The following GARNL3 variants were observed in gnomAD, a reference collection of about 807,000 sequenced individuals.
The protein encoded by GARNL3 is GTPase activating Rap/RanGAP domain like 3, also known as GTPase-activating Rap/Ran-GAP domain-like protein 3.
GARNL3 carries 63 observed loss-of-function variants against 125.0 expected under a neutral mutation model. The observed-to-expected ratio is 0.50, with a 90% CI of 0.41 to 0.62. GARNL3 has a LOEUF of 0.62. Among genes scored for constraint, GARNL3 ranks in the 20% least tolerant of loss-of-function variants. The pLI, the probability that GARNL3 is intolerant of heterozygous loss-of-function variation, is 0.00. For missense variants in GARNL3, 994 were observed against 1,244.0 expected (o/e 0.80, Z 3.02); for synonymous variants, 439 against 457.5 (o/e 0.96, Z 0.52).
In GARNL3 at chr9:127,392,186, A is replaced by G. The variant is rs370994758; in HGVS notation, c.2871-897A>G. 6.6e-6 allele frequency among the ~76,000 whole-genome samples: 1 copy of G among 152,218 alleles called. No individual in the cohort carries two copies. Reference sequence around the variant, plus strand: ...GCTGAGCCTCCTCTCAGAAGTCATAACCTGACAAGGCCCCTGCCCTCAGGG... The same window carrying G: ...GCTGAGCCTCCTCTCAGAAGTCATAGCCTGACAAGGCCCCTGCCCTCAGGG... On this transcript the variant is annotated intron_variant, in intron 27 of 27. Coordinates refer to ENST00000373387, the MANE Select transcript of GARNL3 (RefSeq NM_032293.5). This position sits in a 1 kb window ranked among gnomAD's most constrained non-coding sequence, Gnocchi z 5.2.
chr9:127,287,093 C>T (rs1192592229), intron 1 of GARNL3, among the ~76,000 whole-genome samples: 1 of 152,120 alleles, frequency 6.6e-6, no homozygotes, highest in Non-Finnish European at 1.5e-5. Context: ...CATATATGTA[C>T]CCAGGTGAGC....
intron 1 of GARNL3, among the ~76,000 whole-genome samples, chr9:127,229,332 A>T (rs1489850932): frequency 6.6e-6 from 1 of 152,084 alleles, no homozygotes; most frequent in African/African-American, 2.4e-5. Context: ...AGGCCTGTTG[A>T]TTCAGAAAGT....
Position 127,333,074 on chromosome 9 carries a change from T to C in GARNL3, c.722T>C (p.Ile241Thr), listed in dbSNP as rs1028525355. Residue 241 changes from isoleucine (I) to threonine (T), a missense_variant, in exon 9 of 28, where the codon ATC (isoleucine) becomes ACC (threonine). By Grantham distance (89) the Ile-to-Thr change is moderately conservative. Around this residue, in one of 5 missense-constraint regions of GARNL3, gnomAD observed 71 missense variants for 66.2 expected, o/e 1.07. Transcript: ENST00000373387. ...QKFLNLLGDT[I>T]TLKGWTGYRG... ...TTTTTAAATCTTCTGGGTGACACAA[T>C]CACTCTAAAGGGCTGGACGGGCTAC... The C allele has an allele frequency of 6.2e-7, 1 of 1,614,112 alleles. No individual in the cohort carries two copies. Among genetic ancestry groups the C allele is most frequent in the Non-Finnish European group, 8.5e-7 (1 of 1,179,966 alleles).
At chr9:127,312,542 T>G (rs41498351) in intron 3 of GARNL3, among the ~76,000 whole-genome samples, 21,359 of 151,596 alleles carry the variant, frequency 0.14, 1,908 homozygotes, top group East Asian at 0.21. Flanking sequence ...AAAACAGGAG[T>G]GTGGTTAATG....
intron 22 of GARNL3, among the ~76,000 whole-genome samples, chr9:127,373,867 A>G (rs1006219182): frequency 2.6e-5 from 4 of 152,160 alleles, no homozygotes; most frequent in African/African-American, 9.7e-5. Context: ...TTAGCTGGGC[A>G]TGGTAGTGCA....
intron 1 of GARNL3, among the ~76,000 whole-genome samples, chr9:127,283,119 A>G (rs2064146282): frequency 6.6e-6 from 1 of 152,194 alleles, no homozygotes; most frequent in Admixed American, 6.5e-5. Flanking sequence ...ATGTTAAATC[A>G]CATGAATTTT....
intron 23 of GARNL3, 37 bp downstream of exon 23, chr9:127,383,582 A>C: frequency 7.3e-7 from 1 of 1,374,328 alleles, no homozygotes; most frequent in Non-Finnish European, 1.0e-6. Context: ...TTTCTCCTTC[A>C]TGGATATGTC....
Position 127,392,410 on chromosome 9 carries a change from A to G in GARNL3, c.2871-673A>G, listed in dbSNP as rs764950724. The stretch of plus-strand genomic sequence containing the variant: ...TGGGCTGGGCTTGGAATAAACGGTA[A>G]GAAGCTAGGGGAACAGCCCTTCTGA... On this transcript the variant is annotated intron_variant, in intron 27 of 27. Transcript: ENST00000373387. This position sits in a 1 kb window ranked among gnomAD's most constrained non-coding sequence, Gnocchi z 5.2. 1.3e-5 allele frequency among the ~76,000 whole-genome samples: 2 copies of G among 152,238 alleles called. No homozygotes were observed. Among genetic ancestry groups the G allele is most frequent in the Non-Finnish European group, 2.9e-5 (2 of 68,044 alleles).
At chr9:127,383,015 G>A (rs541792918) in intron 22 of GARNL3, among the ~76,000 whole-genome samples, 30 of 152,294 alleles carry the variant, frequency 2.0e-4, no homozygotes, top group Middle Eastern at 3.4e-3. Context: ...TTCAGCACAC[G>A]GGCTCTGCAG....
chr9:127,285,723 G>A (rs1462900460), intron 1 of GARNL3, among the ~76,000 whole-genome samples: 3 of 152,074 alleles, frequency 2.0e-5, no homozygotes, highest in Admixed American at 2.0e-4. Context: ...TTTTGGAGAT[G>A]GGTGGTTCTA....
At chr9:127,329,963 T>C (rs1829129552) in intron 7 of GARNL3, among the ~76,000 whole-genome samples, 2 of 152,336 alleles carry the variant, frequency 1.3e-5, no homozygotes, top group East Asian at 3.9e-4. Context: ...GACCTGATCC[T>C]GGGCCTCCTG....
At chr9:127,275,798 C>T (rs1588733091) in intron 1 of GARNL3, among the ~76,000 whole-genome samples, 1 of 152,158 alleles carries the variant, frequency 6.6e-6, no homozygotes, top group East Asian at 1.9e-4. Flanking sequence ...AAAGCAGTTA[C>T]TTTGGGTTCT....
chr9:127,258,108 CT>C (rs1416484700), intron 2 of GARNL3, among the ~76,000 whole-genome samples: 6 of 152,042 alleles, frequency 3.9e-5, no homozygotes, highest in African/African-American at 1.5e-4. Flanking sequence ...TATCTAACCA[CT>C]TTATGGTTGG....
chr9:127,294,938 A>G (rs373350239), intron 2 of GARNL3, among the ~76,000 whole-genome samples: 18 of 152,242 alleles, frequency 1.2e-4, no homozygotes, highest in East Asian at 3.8e-4. Context: ...ACAGAGGACC[A>G]TGGTGCAAAG....
At position 127,368,584 on chromosome 9, in the gene GARNL3, G is replaced by GC. The variant is rs1403188012; in HGVS notation, c.2161+3220dup. Among the ~76,000 whole-genome samples the GC allele has an allele frequency of 2.7e-5, 4 of 149,788 alleles. No homozygotes were observed. The East Asian group carries it at 6.4e-4, about 24-fold the overall frequency. Reference sequence around the variant, plus strand: ...GACCTCAGGTGATCCACCTGCCTCAGCCTCCCAAAGTGCTGGGATTACAGG... The same window carrying GC: ...GACCTCAGGTGATCCACCTGCCTCAGCCCTCCCAAAGTGCTGGGATTACAGG... On this transcript the variant is annotated intron_variant, in intron 22 of 27. Coordinates refer to ENST00000373387, the MANE Select transcript of GARNL3 (RefSeq NM_032293.5).
intron 22 of GARNL3, among the ~76,000 whole-genome samples, chr9:127,380,807 T>G (rs1423651988): frequency 6.6e-6 from 1 of 152,180 alleles, no homozygotes. Context: ...CATTTTAGGA[T>G]GATGAGAGTT....
At chr9:127,273,959 TCAG>T (rs2063889243) in intron 1 of GARNL3, among the ~76,000 whole-genome samples, 1 of 152,228 alleles carries the variant, frequency 6.6e-6, no homozygotes, top group Admixed American at 6.5e-5. Context: ...TCTCTTGTTT[TCAG>T]TTTATTTACC....
chr9:127,264,747 C>G, upstream of GARNL3: 27 of 1,263,612 alleles, frequency 2.1e-5, no homozygotes, highest in South Asian at 3.4e-5. Flanking sequence ...CTGGCGTTTG[C>G]TTTTTATTGA....
intron 27 of GARNL3, among the ~76,000 whole-genome samples, chr9:127,391,239 C>A (rs1053620560): frequency 6.6e-6 from 1 of 150,744 alleles, no homozygotes; most frequent in African/African-American, 2.4e-5. Context: ...CAGCCAAGAT[C>A]GTGCCACTGC....
Sources: allele counts gnomAD v4.1 joint callset (sites outside exome capture counted in the v4.1 genomes callset), GRCh38; gene constraint gnomAD v4.1.1; regional missense constraint gnomAD v4.1.1; non-coding constraint Gnocchi (gnomAD v3.1); transcripts MANE v1.5; gene names NCBI Gene and HGNC (gene_info 2026-07-23, HGNC 2026-07-21).